FAS: variants seen among roughly 807,000 people sequenced by gnomAD.
FAS encodes tumor necrosis factor receptor superfamily member 6.
A neutral mutation model predicts 33.2 loss-of-function variants in FAS; 5 were observed. The ratio of observed to expected loss-of-function variants is 0.15; its 90% CI spans 0.08 to 0.32. The LOEUF is 0.32. Ranked by LOEUF, FAS falls within the 10% of genes least tolerant of loss-of-function variation. The pLI is 1.00. For missense variants in FAS, 339 were observed against 386.0 expected, an observed-to-expected ratio of 0.88 and a Z score of 1.02; for synonymous variants, 131 against 130.7, an observed-to-expected ratio of 1.00 and a Z score of -0.01.
chr10:88,969,158 G>C (rs764523973), intron 1 of FAS, among the ~76,000 whole-genome samples: 11 of 152,154 alleles, frequency 7.2e-5, no homozygotes, highest in Non-Finnish European at 1.6e-4. Context: ...ATTGAGGCAA[G>C]AAGTATAATC....
intron 2 of FAS, among the ~76,000 whole-genome samples, chr10:89,005,486 A>G (rs1203901049): frequency 6.6e-6 from 1 of 152,164 alleles, no homozygotes; most frequent in Admixed American, 6.5e-5. Context: ...TACTGCACAC[A>G]TATTTCATAT....
chr10:88,972,816 A>G (rs1846479290), intron 1 of FAS, among the ~76,000 whole-genome samples: 1 of 152,164 alleles, frequency 6.6e-6, no homozygotes, highest in Non-Finnish European at 1.5e-5. Context: ...TGTGCTATCA[A>G]AGTGAGACCC....
At chr10:88,983,609 C>CAAA (rs71022549), upstream of FAS, among the ~76,000 whole-genome samples, 28 of 46,456 alleles carry the variant, frequency 6.0e-4, 1 homozygote, top group Non-Finnish European at 8.7e-4. Context: ...ACAGGTTATG[C>CAAA]AAAAAAAAAA....
intron 2 of FAS, 106 bp downstream of exon 2, chr10:89,003,300 A>G: frequency 8.2e-7 from 1 of 1,224,324 alleles, no homozygotes; most frequent in Non-Finnish European, 1.2e-6. Flanking sequence ...CCCCTATATT[A>G]TATAACATAA....
At chr10:88,971,936 G>T (rs1489111211) in intron 1 of FAS, among the ~76,000 whole-genome samples, 4 of 149,824 alleles carry the variant, frequency 2.7e-5, no homozygotes, top group African/African-American at 9.8e-5. Context: ...TTTAGATGGA[G>T]TCTTGCTCTG....
At chr10:88,992,412 G>A (rs571060089) in intron 1 of FAS, 1 of 152,322 alleles carries the variant, frequency 6.6e-6, no homozygotes, top group African/African-American at 2.4e-5. Context: ...TTGGACAGCA[G>A]TATTAGTAAA....
At position 89,015,848 on chromosome 10, in the gene FAS, T is replaced by C. The variant is rs368346648; in HGVS notation, c.*1398T>C. 435 of 417,948 alleles carry C rather than the reference T, an allele frequency of 1.0e-3. 4 individuals carry two copies. Among genetic ancestry groups the C allele is most frequent in the South Asian group, 0.01 (426 of 41,370 alleles). The allele number at this position is 417,948 out of a possible 1,614,324, so 25.9% of individuals were successfully genotyped here. A position where few individuals can be genotyped will look rare whatever the true frequency, so the allele number is the denominator to read the frequency against. The stretch of plus-strand genomic sequence containing the variant: ...TGGTTTTGTCTTCCTTTTCTCTAAC[T>C]GATGCTAAATATAACTTGTCTTTAA... On this transcript the variant is annotated 3_prime_UTR_variant, in exon 9 of 9. Transcript: ENST00000652046.
intron 4 of FAS, among the ~76,000 whole-genome samples, chr10:89,010,128 C>T (rs796989389): frequency 5.9e-5 from 9 of 152,308 alleles, no homozygotes; most frequent in East Asian, 1.9e-4. Flanking sequence ...ACATCATGGG[C>T]GTGGCTATCA....
intron 2 of FAS, among the ~76,000 whole-genome samples, chr10:88,981,458 C>T (rs933143740): frequency 1.3e-5 from 2 of 151,736 alleles, no homozygotes; most frequent in Non-Finnish European, 2.9e-5. Context: ...ATATTCACAC[C>T]AGGAAAAGTT....
At chr10:88,989,385 T>C (rs1239741796), upstream of FAS, 1 of 405,710 alleles carries the variant, frequency 2.5e-6, no homozygotes, top group Non-Finnish European at 4.9e-6. Context: ...GGAATAGTTT[T>C]AGGATTTCAA....
At position 89,014,953 on chromosome 10, in the gene FAS, A is replaced by T. The variant is rs1356529046; in HGVS notation, c.*503A>T. 1 of 534,554 alleles carries T rather than the reference A, an allele frequency of 1.9e-6. No individual in the cohort carries two copies. Among genetic ancestry groups the T allele is most frequent in the Non-Finnish European group, 3.6e-6 (1 of 276,640 alleles). The allele number at this position is 534,554 out of a possible 1,614,324, so 33.1% of individuals were successfully genotyped here. On this transcript the variant is annotated 3_prime_UTR_variant, in exon 9 of 9. Transcript: ENST00000652046. Reference sequence around the variant, plus strand: ...AAACTTTGTTTATAACTCTGAGAAGATCATATTTATGTAAAGTATATGTAT... The same window carrying T: ...AAACTTTGTTTATAACTCTGAGAAGTTCATATTTATGTAAAGTATATGTAT...
rs1230250660 is a variant in FAS at position 89,015,727 on chromosome 10, C to T, written c.*1277C>T. The T allele has an allele frequency of 4.0e-6, 2 of 496,854 alleles. No individual in the cohort carries two copies. Among genetic ancestry groups the T allele is most frequent in the Non-Finnish European group, 7.7e-6 (2 of 259,448 alleles). The allele number at this position is 496,854 out of a possible 1,614,324, so 30.8% of individuals were successfully genotyped here. On this transcript the variant is annotated 3_prime_UTR_variant, in exon 9 of 9. Transcript: ENST00000652046. ...CCATTTATGGAGGATTTTTTTGCCC[C>T]TTGTGTTTGGAATTATAAAATATAG...
intron 1 of FAS, among the ~76,000 whole-genome samples, chr10:88,966,169 CA>C (rs1846314728): frequency 6.6e-6 from 1 of 152,144 alleles, no homozygotes; most frequent in Non-Finnish European, 1.5e-5. Context: ...AGCACTTGGA[CA>C]GAGGGTAAGA....
chr10:88,981,781 G>A (rs996179860), upstream of FAS, among the ~76,000 whole-genome samples: 4 of 152,046 alleles, frequency 2.6e-5, no homozygotes, highest in Admixed American at 2.6e-4. Context: ...TGTGCTCGTG[G>A]GTATGTAAAG....
chr10:88,975,864 T>G (rs561774571), intron 2 of FAS, among the ~76,000 whole-genome samples: 8 of 152,260 alleles, frequency 5.3e-5, no homozygotes, highest in African/African-American at 1.9e-4. Flanking sequence ...GCACTATCAG[T>G]ATACAGTACT....
rs1848671815 is a variant in FAS at position 89,014,210 on chromosome 10, A to G, written c.768A>G (p.Glu256=). The change falls in exon 9 of 9, where the codon GAA becomes GAG. Residue 256 remains glutamate (E), a synonymous_variant. Transcript: ENST00000652046. ...TTGTTCGAAAGAATGGTGTCAATGA[A>G]GCCAAAATAGATGAGATCAAGAATG... is the stretch of plus-strand genomic sequence containing the variant. ...KGFVRKNGVN[E]AKIDEIKNDN... The G allele has an allele frequency of 1.2e-6, 2 of 1,613,986 alleles. No individual in the cohort carries two copies. The highest frequency in any genetic ancestry group is 1.7e-6 in the Non-Finnish European group (2 of 1,179,928).
chr10:89,006,337 A>G (rs1435524913), intron 2 of FAS, among the ~76,000 whole-genome samples: 1 of 152,190 alleles, frequency 6.6e-6, no homozygotes, highest in Non-Finnish European at 1.5e-5. Flanking sequence ...GTTTTTTACT[A>G]TTGACAGACT....
chr10:88,979,545 G>C (rs1473613473), intron 2 of FAS, among the ~76,000 whole-genome samples: 5 of 152,130 alleles, frequency 3.3e-5, no homozygotes, highest in African/African-American at 1.2e-4. Flanking sequence ...TGGGGAAAGA[G>C]AATGTGAGAG....
At chr10:88,981,602 T>G (rs1286473921) in intron 2 of FAS, among the ~76,000 whole-genome samples, 4 of 152,128 alleles carry the variant, frequency 2.6e-5, no homozygotes, top group Non-Finnish European at 5.9e-5. Context: ...ATCCAACAGC[T>G]GCTTTGTTAA....
Sources: gnomAD v4.1 joint callset for allele counts (sites outside exome capture counted in the v4.1 genomes callset) on GRCh38, gnomAD v4.1.1 for gene constraint, MANE v1.5 for transcripts, NCBI Gene and HGNC (gene_info 2026-07-23, HGNC 2026-07-21) for gene names.